SV2C: variants seen among roughly 807,000 people sequenced by gnomAD.
SV2C encodes solute carrier family 22 member B3.
Under a neutral mutation model 79.7 loss-of-function variants are expected in SV2C, and 49 were observed. The ratio of observed to expected loss-of-function variants is 0.61; its 90% CI spans 0.49 to 0.78. SV2C has a LOEUF of 0.78. Ranked by LOEUF, SV2C falls within the 30% of genes least tolerant of loss-of-function variation. The probability of loss-of-function intolerance (pLI) is 0.00; values close to 1 mark genes in which losing one functional copy is unlikely to be tolerated. For missense variants in SV2C, 833 were observed against 912.9 expected, an observed-to-expected ratio of 0.91 and a Z score of 1.13; for synonymous variants, 334 against 333.2, an observed-to-expected ratio of 1.00 and a Z score of -0.03.
At chr5:76,340,908 G>A (rs1370043047) in intron 12 of SV2C, among the ~76,000 whole-genome samples, 5 of 149,144 alleles carry the variant, frequency 3.4e-5, no homozygotes, top group Non-Finnish European at 7.4e-5. Context: ...CTGTGCACCT[G>A]GCCTAGTTTT....
intron 1 of SV2C, among the ~76,000 whole-genome samples, chr5:76,113,712 A>C (rs1211787122): frequency 6.6e-6 from 1 of 152,182 alleles, no homozygotes; most frequent in Non-Finnish European, 1.5e-5. Flanking sequence ...TGGACTAAGG[A>C]ATTAAGAGAG....
intron 4 of SV2C, among the ~76,000 whole-genome samples, chr5:76,214,422 T>C (rs898826487): frequency 1.3e-5 from 2 of 152,212 alleles, no homozygotes; most frequent in African/African-American, 4.8e-5. Context: ...ACTATGCTAT[T>C]TCAATTACTA....
chr5:76,033,729 G>A, the SV2C span, among the ~76,000 whole-genome samples: 13 of 152,108 alleles, frequency 8.5e-5, no homozygotes, highest in Non-Finnish European at 1.3e-4. Flanking sequence ...TTGGCAATGA[G>A]GGCTCTTTTT....
chr5:76,189,011 AC>A (rs928373649), intron 2 of SV2C, among the ~76,000 whole-genome samples: 2 of 151,812 alleles, frequency 1.3e-5, no homozygotes, highest in Non-Finnish European at 2.9e-5. Flanking sequence ...CCCCACTCCC[AC>A]CCCCATGCAC....
intron 12 of SV2C, among the ~76,000 whole-genome samples, chr5:76,344,653 G>A (rs561441905): frequency 1.3e-5 from 2 of 152,248 alleles, no homozygotes; most frequent in Non-Finnish European, 2.9e-5. Context: ...AGGTTGTGGT[G>A]AGCTGAGATT....
intron 1 of SV2C, among the ~76,000 whole-genome samples, chr5:76,112,907 C>CA (rs1290230253): frequency 6.6e-6 from 1 of 152,030 alleles, no homozygotes; most frequent in South Asian, 2.1e-4. Flanking sequence ...AGATAAGACA[C>CA]AAAAAAGCTA....
the SV2C span, among the ~76,000 whole-genome samples, chr5:76,061,268 T>TAAA: frequency 0.02 from 1,036 of 51,472 alleles, 62 homozygotes; most frequent in East Asian, 0.19. Flanking sequence ...CTTCAATTTG[T>TAAA]AAAAAAAAAA....
intron 12 of SV2C, among the ~76,000 whole-genome samples, chr5:76,318,954 G>A (rs1748727971): frequency 6.6e-6 from 1 of 152,184 alleles, no homozygotes; most frequent in East Asian, 1.9e-4. Flanking sequence ...TATGAGCAAA[G>A]GTGACTCGTA....
intron 4 of SV2C, among the ~76,000 whole-genome samples, chr5:76,215,515 G>T (rs888914637): frequency 2.0e-5 from 3 of 152,156 alleles, no homozygotes; most frequent in African/African-American, 7.2e-5. Flanking sequence ...AAATAGACAA[G>T]GGGCTAAAAG....
At chr5:76,311,548 A>G (rs1748440657) in intron 12 of SV2C, 1 of 152,254 alleles carries the variant, frequency 6.6e-6, no homozygotes, top group Admixed American at 6.5e-5. Context: ...AGTTTGAGCC[A>G]TTATTGAATA....
chr5:76,267,387 TA>T (rs577853943), intron 4 of SV2C, among the ~76,000 whole-genome samples: 145 of 152,248 alleles, frequency 9.5e-4, no homozygotes, highest in African/African-American at 3.4e-3. Flanking sequence ...AATTTAATAT[TA>T]AAAAAATACA....
chr5:75,953,327 G>A, the SV2C span, among the ~76,000 whole-genome samples: 1 of 151,940 alleles, frequency 6.6e-6, no homozygotes, highest in African/African-American at 2.4e-5. Context: ...CCAACACTGA[G>A]GGTCACATTT....
the SV2C span, among the ~76,000 whole-genome samples, chr5:75,889,872 G>T: frequency 6.6e-6 from 1 of 152,080 alleles, no homozygotes; most frequent in Non-Finnish European, 1.5e-5. Flanking sequence ...TACTGTAAGC[G>T]GTTTGGATTG....
chr5:76,175,813 C>A (rs1580331047), intron 2 of SV2C, among the ~76,000 whole-genome samples: 1 of 152,110 alleles, frequency 6.6e-6, no homozygotes, highest in African/African-American at 2.4e-5. Flanking sequence ...GGAAAGCCAG[C>A]GTGTGTGTCC....
At chr5:76,292,629 C>T (rs973504241) in intron 8 of SV2C, among the ~76,000 whole-genome samples, 14 of 152,112 alleles carry the variant, frequency 9.2e-5, no homozygotes, top group African/African-American at 3.4e-4. Flanking sequence ...CCAGCCTGGG[C>T]AACATATCAA....
chr5:75,963,995 A>G, the SV2C span, among the ~76,000 whole-genome samples: 3 of 152,014 alleles, frequency 2.0e-5, no homozygotes, highest in Admixed American at 2.0e-4. Flanking sequence ...TTTCTTTTTC[A>G]TAGCACATAG....
At chr5:75,854,758 A>G in the SV2C span, among the ~76,000 whole-genome samples, 3 of 152,070 alleles carry the variant, frequency 2.0e-5, no homozygotes, top group African/African-American at 7.2e-5. Flanking sequence ...GTTTGTGCCT[A>G]TTGCATCCTA....
At chr5:76,321,840 TAAG>T (rs1026171825) in intron 12 of SV2C, among the ~76,000 whole-genome samples, 1 of 152,148 alleles carries the variant, frequency 6.6e-6, no homozygotes, top group African/African-American at 2.4e-5. Context: ...AAAAATGTCT[TAAG>T]AAGTGGGATG....
At chr5:76,313,123 T>C (rs1198967859) in intron 12 of SV2C, among the ~76,000 whole-genome samples, 1 of 152,236 alleles carries the variant, frequency 6.6e-6, no homozygotes, top group Non-Finnish European at 1.5e-5. Context: ...TCTCAGGGCC[T>C]TTCTAGCTCT....
Sources: allele counts gnomAD v4.1 joint callset (sites outside exome capture counted in the v4.1 genomes callset), GRCh38; gene constraint gnomAD v4.1.1; transcripts MANE v1.5; gene names NCBI Gene and HGNC (gene_info 2026-07-23, HGNC 2026-07-21).